The following RBPJ variants were observed in gnomAD, a reference collection of about 807,000 sequenced individuals.
The protein encoded by RBPJ is recombining binding protein suppressor of hairless.
A neutral mutation model predicts 67.8 loss-of-function variants in RBPJ; 9 were observed. That is an observed-to-expected ratio of 0.13 (90% CI 0.08 to 0.23). The LOEUF is 0.23. RBPJ is among the 10% of genes least tolerant of loss of function. The probability of loss-of-function intolerance (pLI) is 1.00; values close to 1 mark genes in which losing one functional copy is unlikely to be tolerated. For missense variants in RBPJ, 305 were observed against 595.6 expected (o/e 0.51, Z 5.08); for synonymous variants, 198 against 203.3 (o/e 0.97, Z 0.22).
At chr4:26,375,074 AG>A (rs1011752414) in intron 1 of RBPJ, among the ~76,000 whole-genome samples, 2 of 151,994 alleles carry the variant, frequency 1.3e-5, no homozygotes, top group African/African-American at 4.8e-5. Flanking sequence ...AGGCTGAGGC[AG>A]GGGGATCACC....
the RBPJ span, among the ~76,000 whole-genome samples, chr4:26,141,804 C>A: frequency 6.6e-6 from 1 of 152,170 alleles, no homozygotes; most frequent in African/African-American, 2.4e-5. Context: ...TCCTCTCCTC[C>A]CCCTTTCCCT....
Position 26,420,535 on chromosome 4 carries a change from T to G in RBPJ, c.322-16T>G. 6.4e-7 allele frequency: 1 copy of G among 1,568,066 alleles called. No individual in the cohort carries two copies. Among genetic ancestry groups the G allele is most frequent in the Non-Finnish European group, 8.6e-7 (1 of 1,157,100 alleles). On this transcript the variant is annotated splice_polypyrimidine_tract_variant and intron_variant, in intron 4 of 10. Coordinates refer to ENST00000355476, the MANE Select transcript of RBPJ (RefSeq NM_015874.6). Reference sequence around the variant, plus strand: ...CAAGGTTTTGCTGCTGTTAAAACTTTACTTTTCTTTCACAGAACTATTGCA... The same window carrying G: ...CAAGGTTTTGCTGCTGTTAAAACTTGACTTTTCTTTCACAGAACTATTGCA...
chr4:26,149,005 T>A, the RBPJ span, among the ~76,000 whole-genome samples: 1 of 151,968 alleles, frequency 6.6e-6, no homozygotes, highest in Non-Finnish European at 1.5e-5. Context: ...CTACTGGGAG[T>A]GTGGTGAAGT....
Position 26,430,785 on chromosome 4 carries a change from T to C in RBPJ, c.1242T>C (p.Thr414=), listed in dbSNP as rs1313809170. ...GGCAACCAGTCCAGGTTCCAGTAAC[T>C]TTGGTCCGAAATGATGGAATCATTT... ...WVRQPVQVPV[T]LVRNDGIIYS... Residue 414 remains threonine, a synonymous_variant, in exon 11 of 11, where the codon ACT becomes ACC. Coordinates refer to ENST00000355476, the MANE Select transcript of RBPJ (RefSeq NM_015874.6). The surrounding 1 kb of genome is among the most constrained non-coding windows in gnomAD (Gnocchi z 4.1). 1 of 1,614,072 alleles carries C rather than the reference T, an allele frequency of 6.2e-7. No individual in the cohort carries two copies. Among genetic ancestry groups the C allele is most frequent in the South Asian group, 1.1e-5 (1 of 91,072 alleles).
the RBPJ span, among the ~76,000 whole-genome samples, chr4:26,106,746 T>G: frequency 6.6e-6 from 1 of 152,206 alleles, no homozygotes; most frequent in Non-Finnish European, 1.5e-5. Context: ...CCCTTTCTCC[T>G]TTAAACTGGC....
intron 1 of RBPJ, among the ~76,000 whole-genome samples, chr4:26,304,693 C>G (rs1311139069): frequency 6.6e-6 from 1 of 151,532 alleles, no homozygotes; most frequent in Non-Finnish European, 1.5e-5. Flanking sequence ...AACGATTTGT[C>G]TTTTTATTAT....
chr4:26,251,121 C>G (rs1720094904), intron 1 of RBPJ, among the ~76,000 whole-genome samples: 1 of 152,182 alleles, frequency 6.6e-6, no homozygotes, highest in Non-Finnish European at 1.5e-5. Context: ...TGACCAGCTT[C>G]TAACCAAATA....
At chr4:26,129,612 CTTAAA>C in the RBPJ span, among the ~76,000 whole-genome samples, 10 of 152,184 alleles carry the variant, frequency 6.6e-5, no homozygotes, top group African/African-American at 2.2e-4. Context: ...CCTTACAACT[CTTAAA>C]TTATAGATAT....
chr4:26,305,761 A>ATTTTTT (rs1722212048), intron 1 of RBPJ, among the ~76,000 whole-genome samples: 8 of 74,750 alleles, frequency 1.1e-4, no homozygotes, highest in African/African-American at 3.0e-4. Flanking sequence ...AGTTCTTAGA[A>ATTTTTT]TTTTCTTTTC....
At chr4:26,146,644 C>T in the RBPJ span, among the ~76,000 whole-genome samples, 1 of 152,192 alleles carries the variant, frequency 6.6e-6, no homozygotes, top group African/African-American at 2.4e-5. Context: ...AACTCCTGCT[C>T]TCATGGGGTT....
At position 26,289,398 on chromosome 4, in the gene RBPJ, A is replaced by G. The variant is rs968418853; in HGVS notation, c.-166-73048A>G. Among the ~76,000 whole-genome samples, 18 of 149,422 alleles carry G rather than the reference A, an allele frequency of 1.2e-4. 2 individuals are homozygous for G. In the South Asian group the frequency reaches 3.2e-3, roughly 26 times the overall value. On this transcript the variant is annotated intron_variant, in intron 1 of 4. Transcript: ENST00000512351. Reference sequence around the variant, plus strand: ...AGACTTGGTCTCAAAAAAAAAAAAAAAAAAAAAAAGAAAAAGAAAAAGGAG... The same window carrying G: ...AGACTTGGTCTCAAAAAAAAAAAAAGAAAAAAAAAGAAAAAGAAAAAGGAG...
At chr4:26,372,311 C>T (rs1011474596) in intron 1 of RBPJ, among the ~76,000 whole-genome samples, 1 of 152,188 alleles carries the variant, frequency 6.6e-6, no homozygotes, top group Non-Finnish European at 1.5e-5. Context: ...ACAGTAGAGA[C>T]ACCACATGAC....
chr4:26,335,383 T>TG (rs1724704406), intron 1 of RBPJ, among the ~76,000 whole-genome samples: 1 of 151,942 alleles, frequency 6.6e-6, no homozygotes, highest in African/African-American at 2.4e-5. Context: ...GGTTTCACCA[T>TG]GTTGGCCAGG....
the RBPJ span, among the ~76,000 whole-genome samples, chr4:26,157,148 A>G: frequency 6.6e-6 from 1 of 151,854 alleles, no homozygotes; most frequent in Non-Finnish European, 1.5e-5. Context: ...AACTAAATCC[A>G]GCAGGGTGAG....
intron 1 of RBPJ, among the ~76,000 whole-genome samples, chr4:26,342,899 AT>A (rs1018978740): frequency 6.6e-6 from 1 of 152,178 alleles, no homozygotes; most frequent in African/African-American, 2.4e-5. Context: ...ATGACTCAAG[AT>A]TCTCATGTTT....
At chr4:26,360,488 C>G (rs1364940258) in intron 1 of RBPJ, among the ~76,000 whole-genome samples, 1 of 151,738 alleles carries the variant, frequency 6.6e-6, no homozygotes, top group Admixed American at 6.6e-5. Context: ...GATAGGTTTA[C>G]AGAGATGAAA....
chr4:26,298,754 G>A (rs1379005641), intron 1 of RBPJ, among the ~76,000 whole-genome samples: 1 of 152,162 alleles, frequency 6.6e-6, no homozygotes, highest in Non-Finnish European at 1.5e-5. Context: ...CGGGTTGTTG[G>A]GGGGATGTGG....
chr4:26,247,396 T>A (rs1297151196), intron 1 of RBPJ, among the ~76,000 whole-genome samples: 10 of 152,270 alleles, frequency 6.6e-5, no homozygotes, highest in African/African-American at 2.4e-4. Context: ...CTTGTTAAAT[T>A]TTTTCATAAT....
At chr4:26,179,462 T>A (rs1329639703) in intron 1 of RBPJ, among the ~76,000 whole-genome samples, 3 of 151,490 alleles carry the variant, frequency 2.0e-5, no homozygotes, top group Non-Finnish European at 4.4e-5. Context: ...ATTCCTAGAG[T>A]AATATGAATA....
Sources: gnomAD v4.1 joint callset for allele counts (sites outside exome capture counted in the v4.1 genomes callset) on GRCh38, gnomAD v4.1.1 for gene constraint, Gnocchi (gnomAD v3.1) non-coding constraint, MANE v1.5 for transcripts, NCBI Gene and HGNC (gene_info 2026-07-23, HGNC 2026-07-21) for gene names.